VEPH1: variants seen among roughly 807,000 people sequenced by gnomAD.
The protein encoded by VEPH1 is ventricular zone expressed PH domain containing 1, also known as ventricular zone-expressed PH domain-containing protein homolog 1.
VEPH1 carries 80 observed loss-of-function variants against 85.2 expected under a neutral mutation model. The observed-to-expected ratio is 0.94, with a 90% CI of 0.78 to 1.13. The LOEUF is 1.13. VEPH1 is among the 50% of genes most tolerant of loss of function. The probability of loss-of-function intolerance (pLI) is 0.00; values close to 1 mark genes in which losing one functional copy is unlikely to be tolerated. For missense variants in VEPH1, 955 were observed against 980.5 expected (o/e 0.97, Z 0.35); for synonymous variants, 297 against 348.0 (o/e 0.85, Z 1.63).
intron 3 of VEPH1, among the ~76,000 whole-genome samples, chr3:157,461,986 GA>G (rs1253814042): frequency 6.6e-6 from 1 of 150,692 alleles, no homozygotes; most frequent in Non-Finnish European, 1.5e-5. Flanking sequence ...TCCAAAGAGT[GA>G]AAGAAGATAT....
At chr3:157,418,150 T>C (rs992829406) in intron 5 of VEPH1, among the ~76,000 whole-genome samples, 2 of 152,148 alleles carry the variant, frequency 1.3e-5, no homozygotes, top group Non-Finnish European at 2.9e-5. Context: ...CTCAGTTACC[T>C]GAACTGAGTT....
At chr3:157,375,528 C>T (rs1387167089) in intron 7 of VEPH1, among the ~76,000 whole-genome samples, 1 of 152,132 alleles carries the variant, frequency 6.6e-6, no homozygotes, top group Non-Finnish European at 1.5e-5. Context: ...AAATATGTCT[C>T]TTTGCTGTAC....
intron 6 of VEPH1, among the ~76,000 whole-genome samples, chr3:157,403,075 A>T (rs1195001845): frequency 6.6e-6 from 1 of 152,178 alleles, no homozygotes; most frequent in Admixed American, 6.6e-5. Context: ...ATTTCAAGAC[A>T]GTATAGTTAG....
intron 7 of VEPH1, among the ~76,000 whole-genome samples, chr3:157,369,479 AT>A (rs1727239436): frequency 6.6e-6 from 1 of 152,174 alleles, no homozygotes; most frequent in Admixed American, 6.5e-5. Flanking sequence ...CCTTGGTTTT[AT>A]GATTTAGATT....
chr3:157,353,040 C>A (rs1725036009), intron 9 of VEPH1, among the ~76,000 whole-genome samples: 1 of 152,092 alleles, frequency 6.6e-6, no homozygotes, highest in Non-Finnish European at 1.5e-5. Context: ...GATGAAGTAA[C>A]CTGTTCAAGG....
chr3:157,412,746 G>A (rs981942987), intron 6 of VEPH1, among the ~76,000 whole-genome samples: 1 of 152,104 alleles, frequency 6.6e-6, no homozygotes, highest in Non-Finnish European at 1.5e-5. Flanking sequence ...ATTGACAGGT[G>A]CAGGCTTGGG....
intron 2 of VEPH1, among the ~76,000 whole-genome samples, chr3:157,493,525 T>A (rs1739402561): frequency 6.6e-6 from 1 of 152,210 alleles, no homozygotes; most frequent in Non-Finnish European, 1.5e-5. Flanking sequence ...CTACCATTCT[T>A]CTTCTGTTCC....
intron 4 of VEPH1, chr3:157,437,906 T>C (rs765317629): frequency 1.3e-6 from 2 of 1,524,188 alleles, no homozygotes; most frequent in African/African-American, 1.4e-5. Context: ...CGGAGCTGGC[T>C]GCCGGCAGGT....
At chr3:157,410,521 C>G (rs1228081701) in intron 6 of VEPH1, among the ~76,000 whole-genome samples, 1 of 152,108 alleles carries the variant, frequency 6.6e-6, no homozygotes, top group Non-Finnish European at 1.5e-5. Flanking sequence ...TGTCTTTGGT[C>G]TTTAGAAATA....
rs971097770 is a variant in VEPH1, at chr3:157,425,560, G to A, written c.696+2762C>T. 4.6e-5 allele frequency among the ~76,000 whole-genome samples: 7 copies of A among 152,308 alleles called. No individual in the cohort carries two copies. In the South Asian group the frequency reaches 8.3e-4, roughly 18 times the overall value. ...CTGCCCTCCTGGATTTCAGACTTGC[G>A]TGGGACCTGTAGCCCCTGGATTTGG... On this transcript the variant is annotated intron_variant, in intron 5 of 13. Coordinates refer to ENST00000362010, the MANE Select transcript of VEPH1 (RefSeq NM_001167912.2).
intron 13 of VEPH1, among the ~76,000 whole-genome samples, 169 bp downstream of exon 13, chr3:157,265,357 C>G (rs1171089946): frequency 6.6e-6 from 1 of 152,132 alleles, no homozygotes; most frequent in African/African-American, 2.4e-5. Context: ...AATCAACTAA[C>G]ATAGGAATAA....
At chr3:157,487,234 AG>A (rs1316970344) in intron 2 of VEPH1, among the ~76,000 whole-genome samples, 1 of 152,112 alleles carries the variant, frequency 6.6e-6, no homozygotes, top group Non-Finnish European at 1.5e-5. Flanking sequence ...AACTTTAAAA[AG>A]TAGAAGGCAA....
At chr3:157,462,731 A>G (rs1735997394) in intron 3 of VEPH1, among the ~76,000 whole-genome samples, 1 of 152,198 alleles carries the variant, frequency 6.6e-6, no homozygotes, top group Non-Finnish European at 1.5e-5. Context: ...CCTGCCCAAT[A>G]TACATTTATA....
intron 2 of VEPH1, among the ~76,000 whole-genome samples, chr3:157,485,018 T>C (rs987993144): frequency 2.0e-5 from 3 of 152,194 alleles, no homozygotes; most frequent in African/African-American, 7.2e-5. Context: ...AATATCTCAG[T>C]AACAAAAACT....
chr3:157,467,185 GA>G lies in VEPH1; in HGVS notation c.354+3128del, dbSNP rs1187246323. Among the ~76,000 whole-genome samples the G allele has an allele frequency of 5.0e-3, 720 of 144,152 alleles. 7 individuals are homozygous for G. Among genetic ancestry groups the G allele is most frequent in the Non-Finnish European group, 6.6e-3 (435 of 65,478 alleles). 94.6% of individuals were successfully genotyped at this position (144,152 alleles called of 152,430 possible). ...GCTTAAAATGACAGTGAAGTGGCCA[GA>G]AAAAAAAAAATCAAATGAAATGGCC... On this transcript the variant is annotated intron_variant, in intron 3 of 13. Transcript: ENST00000362010.
intron 10 of VEPH1, 58 bp from the exon 11 acceptor site, chr3:157,313,813 TTTGA>T (rs1157800852): frequency 2.0e-5 from 32 of 1,587,982 alleles, no homozygotes; most frequent in Admixed American, 6.9e-5. Flanking sequence ...AATAGTATTG[TTTGA>T]TTGATTTCAA....
At chr3:157,305,337 C>G (rs958009024) in intron 11 of VEPH1, among the ~76,000 whole-genome samples, 54 of 151,906 alleles carry the variant, frequency 3.6e-4, no homozygotes, top group African/African-American at 1.0e-3. Context: ...GTCTCGATCT[C>G]CTGACCTCGT....
At chr3:157,364,804 T>C (rs1500917) in intron 7 of VEPH1, among the ~76,000 whole-genome samples, 36,017 of 152,194 alleles carry the variant, frequency 0.24, 4,962 homozygotes, top group Admixed American at 0.43. Context: ...ATATTCTTTT[T>C]TAGAAATTCT....
intron 5 of VEPH1, among the ~76,000 whole-genome samples, chr3:157,418,553 G>T (rs751831035): frequency 6.6e-6 from 1 of 152,168 alleles, no homozygotes; most frequent in Non-Finnish European, 1.5e-5. Context: ...GAAGCAAAGA[G>T]CCAAATCATG....
Sources: allele counts gnomAD v4.1 joint callset (sites outside exome capture counted in the v4.1 genomes callset), GRCh38; gene constraint gnomAD v4.1.1; transcripts MANE v1.5; gene names NCBI Gene and HGNC (gene_info 2026-07-23, HGNC 2026-07-21).